Variants in NRDE2 observed in about 807,000 individuals in gnomAD.
NRDE2 encodes nuclear exosome regulator NRDE2.
A neutral mutation model predicts 124.2 loss-of-function variants in NRDE2; 76 were observed. The ratio of observed to expected loss-of-function variants is 0.61; its 90% CI spans 0.51 to 0.74. The LOEUF (loss-of-function observed/expected upper bound fraction) is 0.74. Ranked by LOEUF, NRDE2 falls within the 30% of genes least tolerant of loss-of-function variation. NRDE2 has a pLI of 0.00. For synonymous variants in NRDE2, 489 were observed against 528.1 expected (o/e 0.93, Z 1.01); for missense variants, 1,314 against 1,417.3 (o/e 0.93, Z 1.17).
rs2139706285 is a variant in NRDE2 at position 90,316,611 on chromosome 14, A to G, written c.374T>C (p.Val125Ala). The change falls in exon 3 of 14, where the codon GTT becomes GCT. Residue 125 changes from valine to alanine, a missense_variant. By Grantham distance (64) the Val-to-Ala change is moderately conservative (BLOSUM62 0). Coordinates refer to ENST00000354366, the MANE Select transcript of NRDE2 (RefSeq NM_017970.4). Reference sequence around the variant, plus strand: ...CTCAGATTCCTTTTTACTGCCTCCAACGCCTCTGGAAGGTTTGTCCTTTTC... The same window carrying G: ...CTCAGATTCCTTTTTACTGCCTCCAGCGCCTCTGGAAGGTTTGTCCTTTTC... ...DSEKDKPSRG[V>A]GGSKKESEEP... is the part of the protein sequence containing the mutation. 3.1e-6 allele frequency: 5 copies of G among 1,613,812 alleles called. No homozygotes were observed. Among genetic ancestry groups the G allele is most frequent in the Non-Finnish European group, 4.2e-6 (5 of 1,179,930 alleles).
rs2139662018 is a variant in NRDE2 at position 90,278,342 on chromosome 14, C to T, written c.3489G>A (p.Glu1163=). 1 of 1,614,132 alleles carries T rather than the reference C, an allele frequency of 6.2e-7. No homozygotes were observed. Among genetic ancestry groups the T allele is most frequent in the South Asian group, 1.1e-5 (1 of 91,086 alleles). The change falls in exon 14 of 14, where the codon GAG becomes GAA. Residue 1163 remains glutamate (E), a synonymous_variant. Transcript: ENST00000354366. ...LPLEELELLL[E]D ...CCCGTTTTCCCGCTGCTCTCTAATC[C>T]TCCAGCAGCAGCTCCAGCTCCTCCA... is the stretch of plus-strand genomic sequence containing the variant.
chr14:90,297,079 C>T (rs1406020409), intron 8 of NRDE2, among the ~76,000 whole-genome samples: 3 of 147,970 alleles, frequency 2.0e-5, no homozygotes, highest in Non-Finnish European at 4.5e-5. Flanking sequence ...GCGGAGGTTG[C>T]AGTGAGCCAA....
chr14:90,297,897 T>G (rs1029714215), intron 8 of NRDE2, among the ~76,000 whole-genome samples: 21 of 145,700 alleles, frequency 1.4e-4, no homozygotes, highest in Admixed American at 1.2e-3. Context: ...GCTGAGATCC[T>G]GCCACTGCAC....
At chr14:90,321,914 A>G (rs974426239) in intron 1 of NRDE2, among the ~76,000 whole-genome samples, 5 of 152,256 alleles carry the variant, frequency 3.3e-5, no homozygotes, top group Admixed American at 1.3e-4. Flanking sequence ...GGGAGTTCAG[A>G]GGGAGGGGCT....
At chr14:90,323,323 AGAGG>A (rs1409134114) in intron 1 of NRDE2, among the ~76,000 whole-genome samples, 1 of 152,222 alleles carries the variant, frequency 6.6e-6, no homozygotes, top group African/African-American at 2.4e-5. Context: ...TATTACACAT[AGAGG>A]GAGGAAGGAA....
In NRDE2 at chr14:90,283,118, G is replaced by A. The variant is rs1892001431; in HGVS notation, c.3297+3236C>T. ...CCTTCTCCCGCCTCTTCAGGCACTC[G>A]CTACCTTCACCTTGCATGCTGGCCC... On this transcript the variant is annotated intron_variant, in intron 12 of 13. Transcript: ENST00000354366. 2.6e-5 allele frequency among the ~76,000 whole-genome samples: 4 copies of A among 152,058 alleles called. No individual in the cohort carries two copies. In the South Asian group the frequency reaches 8.3e-4, roughly 32 times the overall value.
intron 1 of NRDE2, among the ~76,000 whole-genome samples, chr14:90,322,072 GCTTCT>G (rs1885267123): frequency 6.6e-6 from 1 of 152,120 alleles, no homozygotes; most frequent in Admixed American, 6.6e-5. Context: ...ACGCCACGGA[GCTTCT>G]CTTCACTTCC....
chr14:90,308,342 C>T (rs1015964322), intron 4 of NRDE2, among the ~76,000 whole-genome samples: 9 of 152,200 alleles, frequency 5.9e-5, no homozygotes, highest in Admixed American at 5.2e-4. Flanking sequence ...TACTCCCATA[C>T]ACAGTGTCAC....
In NRDE2 at chr14:90,272,178, G is replaced by C. The variant is rs555572609; in HGVS notation, c.*6158C>G. ...CAGAGTGCTGGGATTACAGGTGTGA[G>C]CCACCGCGCCTGGCCTCAGAATAGG... On this transcript the variant is annotated 3_prime_UTR_variant, in exon 14 of 14. Coordinates refer to ENST00000354366, the MANE Select transcript of NRDE2 (RefSeq NM_017970.4). The surrounding 1 kb of genome is among the most constrained non-coding windows in gnomAD (Gnocchi z 4.5). 4.0e-5 allele frequency: 57 copies of C among 1,414,870 alleles called. No homozygotes were observed. The highest frequency in any genetic ancestry group is 5.3e-5 in the Non-Finnish European group (55 of 1,037,980). The allele number at this position is 1,414,870 out of a possible 1,614,324, so 87.6% of individuals were successfully genotyped here.
At chr14:90,278,672 C>T (rs1472813178) in intron 13 of NRDE2, 7 of 583,890 alleles carry the variant, frequency 1.2e-5, no homozygotes, top group South Asian at 6.6e-5. Flanking sequence ...AAACGCCAAG[C>T]GAGGCCTTCT....
intron 12 of NRDE2, among the ~76,000 whole-genome samples, chr14:90,282,763 G>A (rs1891990038): frequency 6.6e-6 from 1 of 152,050 alleles, no homozygotes; most frequent in South Asian, 2.1e-4. Flanking sequence ...CGCCTCCCGG[G>A]TTCAAGTGAT....
At chr14:90,316,102 A>C (rs1885037218) in intron 3 of NRDE2, among the ~76,000 whole-genome samples, 1 of 152,188 alleles carries the variant, frequency 6.6e-6, no homozygotes, top group Admixed American at 6.6e-5. Context: ...AAAGAAAAGG[A>C]AAAGGACAAA....
chr14:90,280,797 A>T (rs2139665112), intron 12 of NRDE2: 1 of 152,406 alleles, frequency 6.6e-6, no homozygotes, highest in Non-Finnish European at 1.5e-5. Context: ...CCCCTCATGA[A>T]ATTCCTAAGT....
intron 3 of NRDE2, among the ~76,000 whole-genome samples, chr14:90,315,830 G>A (rs1338056196): frequency 2.6e-5 from 4 of 151,842 alleles, no homozygotes; most frequent in African/African-American, 9.7e-5. Flanking sequence ...GGTGGCAGAC[G>A]CCTGTAATCC....
chr14:90,314,769 G>A (rs976389683), intron 3 of NRDE2, among the ~76,000 whole-genome samples: 1 of 152,168 alleles, frequency 6.6e-6, no homozygotes, highest in Non-Finnish European at 1.5e-5. Context: ...TGTGCACCAC[G>A]TGCTGTGGGA....
chr14:90,298,017 G>A lies in NRDE2; in HGVS notation c.1666+243C>T, dbSNP rs114446055. 8.5e-3 allele frequency among the ~76,000 whole-genome samples: 1,296 copies of A among 151,584 alleles called. 8 individuals carry two copies. Among genetic ancestry groups the A allele is most frequent in the Admixed American group, 0.018 (272 of 15,204 alleles). On this transcript the variant is annotated intron_variant, in intron 8 of 13. Transcript: ENST00000354366. ...CCTTCTTCAGTTGCAGCCTATAAAAGGAAAAAGGGAAATTACAGAAACTTT... is the reference window on the plus strand; with the variant it reads ...CCTTCTTCAGTTGCAGCCTATAAAAAGAAAAAGGGAAATTACAGAAACTTT...
chr14:90,286,238 T>C (rs1285271920), intron 12 of NRDE2, 116 bp downstream of exon 12: 2 of 1,168,570 alleles, frequency 1.7e-6, no homozygotes, highest in Admixed American at 5.7e-5. Context: ...GAGAGTGAAA[T>C]ATGGCCTCCC....
At chr14:90,287,163 G>A (rs1181169227) in intron 11 of NRDE2, among the ~76,000 whole-genome samples, 1 of 151,330 alleles carries the variant, frequency 6.6e-6, no homozygotes, top group Non-Finnish European at 1.5e-5. Context: ...CTCACATAGA[G>A]TGAACAAAAT....
At chr14:90,327,012 G>A (rs78936717) in intron 1 of NRDE2, among the ~76,000 whole-genome samples, 2 of 152,134 alleles carry the variant, frequency 1.3e-5, no homozygotes, top group East Asian at 1.9e-4. Context: ...ATACTAATAC[G>A]AATTCATGAT....
Sources: gnomAD v4.1 joint callset for allele counts (sites outside exome capture counted in the v4.1 genomes callset) on GRCh38, gnomAD v4.1.1 for gene constraint, Gnocchi (gnomAD v3.1) non-coding constraint, MANE v1.5 for transcripts, NCBI Gene and HGNC (gene_info 2026-07-23, HGNC 2026-07-21) for gene names.